Variants in PLAC1 observed in about 807,000 individuals in gnomAD.
The protein encoded by PLAC1 is placenta-specific protein 1.
For synonymous variants in PLAC1, 68 were observed against 62.1 expected, an observed-to-expected ratio of 1.09 and a Z score of -0.44; for missense variants, 136 against 163.2, an observed-to-expected ratio of 0.83 and a Z score of 0.91.
chrX:134,719,505 GTGTAATCCCAGCACTTTGGGAGGCC>G (rs1029730148), intron 2 of PLAC1, among the ~76,000 whole-genome samples: 2 of 111,801 alleles, frequency 1.8e-5, no homozygotes, highest in African/African-American at 3.3e-5. Context: ...GCCAGGCGAG[GTGTAATCCCAGCACTTTGGGAGGCC>G]TGTAATCCCA....
intron 1 of PLAC1, among the ~76,000 whole-genome samples, chrX:134,763,308 G>T (rs1217454062): frequency 8.9e-6 from 1 of 112,027 alleles, no homozygotes; most frequent in African/African-American, 3.2e-5. Flanking sequence ...CCCAAAGAAG[G>T]CAGGCCTCAG....
chrX:134,742,498 G>A (rs1186988796), intron 1 of PLAC1, among the ~76,000 whole-genome samples: 1 of 111,311 alleles, frequency 9.0e-6, no homozygotes, highest in Non-Finnish European at 1.9e-5. Flanking sequence ...TGAGGCAGGC[G>A]AATCACTTGA....
intron 1 of PLAC1, among the ~76,000 whole-genome samples, chrX:134,611,566 CATAT>C (rs2078153623): frequency 2.8e-5 from 3 of 105,992 alleles, no homozygotes; most frequent in Admixed American, 2.1e-4. Flanking sequence ...TATATATATG[CATAT>C]ATACATATGT....
At chrX:134,618,291 T>A (rs1428389167) in intron 1 of PLAC1, among the ~76,000 whole-genome samples, 1 of 112,424 alleles carries the variant, frequency 8.9e-6, no homozygotes, top group Non-Finnish European at 1.9e-5. Flanking sequence ...GACAGAGCTA[T>A]CCATATCCTC....
At chrX:134,743,711 C>G (rs978604839) in intron 1 of PLAC1, among the ~76,000 whole-genome samples, 1 of 111,361 alleles carries the variant, frequency 9.0e-6, no homozygotes, top group African/African-American at 3.3e-5. Flanking sequence ...GCCAATGTCA[C>G]TCTCCGAAAC....
intron 2 of PLAC1, among the ~76,000 whole-genome samples, chrX:134,572,740 T>G (rs1168247307): frequency 9.0e-6 from 1 of 111,328 alleles, no homozygotes; most frequent in East Asian, 2.8e-4. Context: ...TGTTAAATTT[T>G]TTATATATTT....
At chrX:134,571,722 T>C (rs1016328841) in intron 2 of PLAC1, among the ~76,000 whole-genome samples, 2 of 111,483 alleles carry the variant, frequency 1.8e-5, no homozygotes, top group Non-Finnish European at 3.8e-5. Flanking sequence ...GAGAGAGAAT[T>C]GAGAAGTGTA....
At chrX:134,749,789 CT>C (rs1437689334) in intron 1 of PLAC1, among the ~76,000 whole-genome samples, 1 of 111,727 alleles carries the variant, frequency 9.0e-6, no homozygotes, top group Non-Finnish European at 1.9e-5. Flanking sequence ...TATCTTGCCC[CT>C]GGCCTCCATT....
chrX:134,705,253 A>C (rs1265576566), intron 2 of PLAC1, among the ~76,000 whole-genome samples: 1 of 105,451 alleles, frequency 9.5e-6, no homozygotes, highest in East Asian at 3.0e-4. Context: ...ACCTGTCTCT[A>C]CTAAAAATAC....
chrX:134,629,965 T>TC lies in PLAC1; in HGVS notation c.-130-27844dup, dbSNP rs1556092714. Among the ~76,000 whole-genome samples, 624 of 104,360 alleles carry TC rather than the reference T, an allele frequency of 6.0e-3. 3 individuals are homozygous for TC. The highest frequency in any genetic ancestry group is 0.021 in the African/African-American group (597 of 28,423). The allele number at this position is 104,360 out of a possible 115,157, so 90.6% of individuals were successfully genotyped here. A position where few individuals can be genotyped will look rare whatever the true frequency, so the allele number is the denominator to read the frequency against. ...TTATTTCTTTCTTTCTTCCTCTTCT[T>TC]CCCTTTTTTTTTTTTTTTTTTTTGA... On this transcript the variant is annotated intron_variant, in intron 1 of 2. Transcript: ENST00000359237.
intron 1 of PLAC1, among the ~76,000 whole-genome samples, chrX:134,747,233 C>T (rs1369543901): frequency 9.0e-6 from 1 of 111,252 alleles, no homozygotes; most frequent in Non-Finnish European, 1.9e-5. Flanking sequence ...GGCCAATCGG[C>T]ACCAAGAGCA....
chrX:134,669,840 G>A (rs1428179581), intron 2 of PLAC1, among the ~76,000 whole-genome samples: 3 of 112,177 alleles, frequency 2.7e-5, no homozygotes, highest in Non-Finnish European at 3.8e-5. Flanking sequence ...TACTCTCCCC[G>A]AAGTCTCCTG....
chrX:134,679,871 G>A (rs944418856), intron 2 of PLAC1, among the ~76,000 whole-genome samples: 1 of 111,932 alleles, frequency 8.9e-6, no homozygotes, highest in Middle Eastern at 4.2e-3. Context: ...TTCTGGGTCC[G>A]TTTGGTGTTG....
chrX:134,569,984 C>T (rs1387064650), intron 2 of PLAC1, among the ~76,000 whole-genome samples: 1 of 110,432 alleles, frequency 9.1e-6, no homozygotes, highest in African/African-American at 3.3e-5. Context: ...CACCCGCCAC[C>T]ATGCCCTGCT....
chrX:134,621,497 T>C (rs1357200635), intron 1 of PLAC1, among the ~76,000 whole-genome samples: 1 of 108,489 alleles, frequency 9.2e-6, no homozygotes, highest in Non-Finnish European at 1.9e-5. Flanking sequence ...TCGGTCTTGT[T>C]TGAGACCTCG....
At chrX:134,735,015 A>G (rs1013299233) in intron 1 of PLAC1, among the ~76,000 whole-genome samples, 1 of 112,071 alleles carries the variant, frequency 8.9e-6, no homozygotes, top group Non-Finnish European at 1.9e-5. Context: ...GGTGATTTTC[A>G]TAATGAGAAA....
At chrX:134,676,529 G>A (rs1283804988) in intron 2 of PLAC1, among the ~76,000 whole-genome samples, 1 of 112,007 alleles carries the variant, frequency 8.9e-6, no homozygotes, top group Non-Finnish European at 1.9e-5. Context: ...ACCAGGATGT[G>A]TTCCTGCATT....
At chrX:134,679,946 T>G (rs998362518) in intron 2 of PLAC1, among the ~76,000 whole-genome samples, 1 of 111,774 alleles carries the variant, frequency 8.9e-6, no homozygotes, top group East Asian at 2.8e-4. Context: ...TTTATGTCTC[T>G]GTTCTTTCCG....
At chrX:134,725,716 G>A (rs2078672285) in intron 2 of PLAC1, among the ~76,000 whole-genome samples, 1 of 112,005 alleles carries the variant, frequency 8.9e-6, no homozygotes, top group Non-Finnish European at 1.9e-5. Context: ...GGGCATGCCA[G>A]GCACAGTGGC....
Sources: allele counts gnomAD v4.1 joint callset (sites outside exome capture counted in the v4.1 genomes callset), GRCh38; gene constraint gnomAD v4.1.1; transcripts MANE v1.5; gene names NCBI Gene and HGNC (gene_info 2026-07-23, HGNC 2026-07-21).